PDE4D: variants seen among roughly 807,000 people sequenced by gnomAD.
The protein encoded by PDE4D is phosphodiesterase 4D, also known as 3',5'-cyclic-AMP phosphodiesterase 4D.
Under a neutral mutation model 87.4 loss-of-function variants are expected in PDE4D, and 24 were observed. That is an observed-to-expected ratio of 0.27 (90% CI 0.20 to 0.39). The LOEUF is 0.39. Ranked by LOEUF, PDE4D falls within the 10% of genes least tolerant of loss-of-function variation. PDE4D has a pLI of 1.00. For synonymous variants in PDE4D, 384 were observed against 383.2 expected (o/e 1.00, Z -0.02); for missense variants, 714 against 1,041.0 (o/e 0.69, Z 4.32).
At chr5:59,840,601 G>A (rs1056514963) in intron 1 of PDE4D, among the ~76,000 whole-genome samples, 1 of 152,000 alleles carries the variant, frequency 6.6e-6, no homozygotes, top group African/African-American at 2.4e-5. Flanking sequence ...TAGGGAATTT[G>A]AGCCTGGAAA....
chr5:60,075,972 A>T (rs1318335128), intron 2 of PDE4D, among the ~76,000 whole-genome samples: 3 of 151,682 alleles, frequency 2.0e-5, no homozygotes, highest in Non-Finnish European at 4.4e-5. Context: ...AATCTTGATG[A>T]TCTTCATTTC....
intron 1 of PDE4D, among the ~76,000 whole-genome samples, chr5:60,333,137 C>G (rs1248987835): frequency 6.6e-6 from 1 of 152,168 alleles, no homozygotes; most frequent in Non-Finnish European, 1.5e-5. Context: ...TAACTCTTCT[C>G]CTACAAAGAT....
intron 1 of PDE4D, among the ~76,000 whole-genome samples, chr5:59,849,459 G>A (rs575269546): frequency 6.6e-6 from 1 of 152,058 alleles, no homozygotes; most frequent in African/African-American, 2.4e-5. Flanking sequence ...TGTGCTCTGT[G>A]TTCATGAAAT....
At chr5:59,932,379 C>T (rs1756062335) in intron 3 of PDE4D, among the ~76,000 whole-genome samples, 1 of 152,166 alleles carries the variant, frequency 6.6e-6, no homozygotes, top group South Asian at 2.1e-4. Context: ...CATTCACTGA[C>T]AGTTTTCTAC....
intron 1 of PDE4D, among the ~76,000 whole-genome samples, chr5:59,795,640 G>C (rs937215529): frequency 6.6e-6 from 1 of 152,118 alleles, no homozygotes; most frequent in Non-Finnish European, 1.5e-5. Context: ...TTGGGCAGAA[G>C]GGAAACTTGC....
intron 1 of PDE4D, among the ~76,000 whole-genome samples, chr5:59,364,001 C>T (rs867693408): frequency 1.3e-5 from 2 of 152,210 alleles, no homozygotes; most frequent in African/African-American, 2.4e-5. Flanking sequence ...CAACACTTTT[C>T]AGTCCATCCA....
intron 1 of PDE4D, among the ~76,000 whole-genome samples, chr5:60,379,719 C>T (rs1348801559): frequency 6.6e-6 from 1 of 152,202 alleles, no homozygotes; most frequent in East Asian, 1.9e-4. Context: ...CACCACACTA[C>T]TCAGTGCTTT....
At chr5:59,740,626 C>G (rs1758698671) in intron 1 of PDE4D, among the ~76,000 whole-genome samples, 1 of 151,926 alleles carries the variant, frequency 6.6e-6, no homozygotes, top group Admixed American at 6.6e-5. Flanking sequence ...AGAGATAAAC[C>G]CAATTGTGGA....
intron 1 of PDE4D, among the ~76,000 whole-genome samples, chr5:59,292,811 C>T (rs1343929997): frequency 6.6e-6 from 1 of 152,014 alleles, no homozygotes; most frequent in African/African-American, 2.4e-5. Flanking sequence ...GAATGTAGTG[C>T]CTGGTATGGA....
intron 1 of PDE4D, among the ~76,000 whole-genome samples, chr5:59,257,291 A>T (rs1027868791): frequency 6.6e-6 from 1 of 152,032 alleles, no homozygotes; most frequent in Admixed American, 6.6e-5. Flanking sequence ...GATGGAACCC[A>T]TTCATAAACT....
intron 1 of PDE4D, among the ~76,000 whole-genome samples, chr5:59,219,897 G>T (rs1752095415): frequency 1.3e-5 from 2 of 152,096 alleles, no homozygotes; most frequent in African/African-American, 4.8e-5. Flanking sequence ...TCCAGCAAAA[G>T]TGAAGCCACA....
At chr5:60,343,915 C>A (rs1758520314) in intron 1 of PDE4D, among the ~76,000 whole-genome samples, 1 of 151,718 alleles carries the variant, frequency 6.6e-6, no homozygotes. Flanking sequence ...GCTCTTCCCT[C>A]AGCTGCATAG....
At chr5:59,849,573 A>C (rs1194421221) in intron 1 of PDE4D, among the ~76,000 whole-genome samples, 1 of 151,882 alleles carries the variant, frequency 6.6e-6, no homozygotes, top group Non-Finnish European at 1.5e-5. Context: ...AAAAAGTACA[A>C]AGATGAGCCT....
chr5:59,912,176 T>C (rs1356635297), intron 3 of PDE4D, among the ~76,000 whole-genome samples: 1 of 152,208 alleles, frequency 6.6e-6, no homozygotes, highest in Admixed American at 6.5e-5. Context: ...GTTATTTGTT[T>C]GTTATCTGCT....
chr5:59,886,498 TAAATAAAAATAAA>T (rs1168420487), intron 1 of PDE4D, among the ~76,000 whole-genome samples: 1 of 150,518 alleles, frequency 6.6e-6, no homozygotes, highest in Non-Finnish European at 1.5e-5. Context: ...GCTCGGACGA[TAAATAAAAATAAA>T]AAATAAAAAT....
At chr5:60,206,806 A>C (rs1048789175) in intron 1 of PDE4D, among the ~76,000 whole-genome samples, 1 of 152,118 alleles carries the variant, frequency 6.6e-6, no homozygotes, top group African/African-American at 2.4e-5. Context: ...AACAACCTCT[A>C]CTCTACAAAG....
chr5:59,487,273 G>A (rs1400393897), intron 1 of PDE4D, among the ~76,000 whole-genome samples: 1 of 152,168 alleles, frequency 6.6e-6, no homozygotes, highest in Admixed American at 6.6e-5. Context: ...TGGGAAAGGT[G>A]AGCGAAACTT....
chr5:60,442,738 C>G (rs1368360364), intron 1 of PDE4D, among the ~76,000 whole-genome samples: 1 of 151,800 alleles, frequency 6.6e-6, no homozygotes, highest in Non-Finnish European at 1.5e-5. Context: ...AATCAGCAAA[C>G]AACTCATTCT....
At position 59,824,351 on chromosome 5, in the gene PDE4D, T is replaced by C. The variant is rs544514451; in HGVS notation, c.455+68817A>G. Among the ~76,000 whole-genome samples the C allele has an allele frequency of 8.5e-5, 13 of 152,306 alleles. No homozygotes were observed. In the East Asian group the frequency reaches 2.5e-3, roughly 29 times the overall value. On this transcript the variant is annotated intron_variant, in intron 1 of 14. Transcript: ENST00000340635. ...GTTTCAAGTGCTCCATCACGACACATGCTGGTGGTTACTGTACCACTGTAC... is the reference window on the plus strand; with the variant it reads ...GTTTCAAGTGCTCCATCACGACACACGCTGGTGGTTACTGTACCACTGTAC...
Sources: gnomAD v4.1 joint callset for allele counts (sites outside exome capture counted in the v4.1 genomes callset) on GRCh38, gnomAD v4.1.1 for gene constraint, MANE v1.5 for transcripts, NCBI Gene and HGNC (gene_info 2026-07-23, HGNC 2026-07-21) for gene names.